UBXN2A: variants seen among roughly 807,000 people sequenced by gnomAD.
UBXN2A encodes UBX domain protein 2A.
Under a neutral mutation model 28.4 loss-of-function variants are expected in UBXN2A, and 28 were observed. The ratio of observed to expected loss-of-function variants is 0.99; its 90% confidence interval spans 0.73 to 1.35. The LOEUF (loss-of-function observed/expected upper bound fraction) is 1.35, where lower values mean the gene tolerates loss of function less well. Ranked by LOEUF, UBXN2A falls within the 40% of genes most tolerant of loss-of-function variation. UBXN2A has a pLI of 0.00. For missense variants in UBXN2A, 253 were observed against 297.9 expected, an observed-to-expected ratio of 0.85 and a Z score of 1.11; for synonymous variants, 97 against 103.6, an observed-to-expected ratio of 0.94 and a Z score of 0.39.
At chr2:23,948,655 G>A (rs1327624189) in intron 1 of UBXN2A, among the ~76,000 whole-genome samples, 1 of 152,150 alleles carries the variant, frequency 6.6e-6, no homozygotes, top group Non-Finnish European at 1.5e-5. Context: ...ACCTGAGGGG[G>A]ATAATTATGT....
chr2:23,985,771 G>A lies in UBXN2A; in HGVS notation c.584+940G>A, dbSNP rs116477314. Among the ~76,000 whole-genome samples the A allele has an allele frequency of 3.2e-3, 480 of 152,212 alleles. 2 individuals are homozygous for A. The highest frequency in any genetic ancestry group is 0.011 in the African/African-American group (458 of 41,540). ...AGCACTTTGAGGGGCCAAGGCAGGA[G>A]GATCACTTGAGCTCAGGAGTTCAAG... On this transcript the variant is annotated intron_variant, in intron 6 of 6. Transcript: ENST00000309033.
At chr2:23,963,494 G>C (rs1412426347) in intron 2 of UBXN2A, among the ~76,000 whole-genome samples, 1 of 149,602 alleles carries the variant, frequency 6.7e-6, no homozygotes, top group African/African-American at 2.5e-5. Context: ...AAAGAGAAAA[G>C]TGGAAAAAAA....
rs546015070 is a variant in UBXN2A at position 24,004,451 on chromosome 2, C to G, written c.*4584C>G. ...TGGATGGATCACGAGGTCAAGAGAT[C>G]GAGACCATCCTGGTCAACATGGGGA... On this transcript the variant is annotated 3_prime_UTR_variant, in exon 7 of 7. Transcript: ENST00000309033. 6.6e-6 allele frequency: 1 copy of G among 152,194 alleles called. No individual in the cohort carries two copies. The allele number at this position is 152,194 out of a possible 1,614,324, so 9.4% of individuals were successfully genotyped here. A position where few individuals can be genotyped will look rare whatever the true frequency, so the allele number is the denominator to read the frequency against.
intron 4 of UBXN2A, among the ~76,000 whole-genome samples, chr2:23,979,678 C>T (rs1707815916): frequency 6.6e-6 from 1 of 152,044 alleles, no homozygotes; most frequent in African/African-American, 2.4e-5. Context: ...AAGTGGTCCT[C>T]CTACCTCCGC....
chr2:24,003,779 G>C lies in UBXN2A; in HGVS notation c.*3912G>C, dbSNP rs1708757893. On this transcript the variant is annotated 3_prime_UTR_variant, in exon 7 of 7. Coordinates refer to ENST00000309033, the MANE Select transcript of UBXN2A (RefSeq NM_181713.4). ...ATAAAATCAATGAGCTTATCTTTCT[G>C]ATATAGAAAATAACAGGATGACAGT... 1 of 148,146 alleles carries C rather than the reference G, an allele frequency of 6.8e-6. No individual in the cohort carries two copies. The highest frequency in any genetic ancestry group is 2.1e-4 in the South Asian group (1 of 4,702). 9.2% of individuals were successfully genotyped at this position (148,146 alleles called of 1,614,324 possible).
chr2:23,953,539 A>C (rs766824583), intron 1 of UBXN2A, among the ~76,000 whole-genome samples: 2 of 152,190 alleles, frequency 1.3e-5, no homozygotes, highest in Non-Finnish European at 2.9e-5. Flanking sequence ...ATAACATCAG[A>C]TATCCCGTCA....
At chr2:23,952,966 GTT>G (rs10593464) in intron 1 of UBXN2A, among the ~76,000 whole-genome samples, 2,969 of 142,758 alleles carry the variant, frequency 0.021, 40 homozygotes, top group African/African-American at 0.031. Flanking sequence ...GCTCTTAGTT[GTT>G]TTTTTTTTTT....
Position 24,003,497 on chromosome 2 carries a change from T to C in UBXN2A, c.*3630T>C, listed in dbSNP as rs1468177068. 6.6e-6 allele frequency: 1 copy of C among 152,148 alleles called. No homozygotes were observed. Among genetic ancestry groups the C allele is most frequent in the Non-Finnish European group, 1.5e-5 (1 of 68,016 alleles). The allele number at this position is 152,148 out of a possible 1,614,324, so 9.4% of individuals were successfully genotyped here. On this transcript the variant is annotated 3_prime_UTR_variant, in exon 7 of 7. Transcript: ENST00000309033. ...ATGACCTGACATAAAATCTATCTTC[T>C]GATTGCAGTCTATTGTGAGAATGCT... is the stretch of plus-strand genomic sequence containing the variant.
At chr2:23,944,523 A>C (rs906362743) in intron 1 of UBXN2A, among the ~76,000 whole-genome samples, 1 of 152,304 alleles carries the variant, frequency 6.6e-6, no homozygotes, top group South Asian at 2.1e-4. Flanking sequence ...ATGGTGGAAA[A>C]GGGTCTAGTT....
chr2:23,960,839 T>C (rs954769782), intron 2 of UBXN2A, among the ~76,000 whole-genome samples: 2 of 152,178 alleles, frequency 1.3e-5, no homozygotes, highest in African/African-American at 2.4e-5. Flanking sequence ...TTCACCATAT[T>C]GGCCAGTCTG....
In UBXN2A at chr2:24,003,738, AAAAAAAG is replaced by A. The variant is rs1573622213; in HGVS notation, c.*3873_*3879del. ...AATGTTCTTACCAAAAAAAAAAAAA[AAAAAAAG>A]AGGCAATGATAAAATCAATGAGCTT... is the stretch of plus-strand genomic sequence containing the variant. On this transcript the variant is annotated 3_prime_UTR_variant, in exon 7 of 7. Transcript: ENST00000309033. The A allele has an allele frequency of 1.3e-5, 2 of 151,978 alleles. No individual in the cohort carries two copies. Among genetic ancestry groups the A allele is most frequent in the East Asian group, 1.9e-4 (1 of 5,206 alleles). 9.4% of individuals were successfully genotyped at this position (151,978 alleles called of 1,614,324 possible).
chr2:23,949,752 G>T (rs1056084194), intron 1 of UBXN2A, among the ~76,000 whole-genome samples: 1 of 151,732 alleles, frequency 6.6e-6, no homozygotes, highest in African/African-American at 2.4e-5. Flanking sequence ...GCACATGCCA[G>T]TAATCCCAGC....
chr2:23,961,808 A>C (rs1420966356), intron 2 of UBXN2A, among the ~76,000 whole-genome samples: 3 of 150,406 alleles, frequency 2.0e-5, no homozygotes, highest in African/African-American at 7.4e-5. Flanking sequence ...GGACTCCCAT[A>C]GTGCTGGGAT....
exon 1 of UBXN2A, chr2:23,927,516 A>C (rs1705080649): frequency 6.6e-6 from 1 of 152,274 alleles, no homozygotes; most frequent in African/African-American, 2.4e-5. Flanking sequence ...AAGCTACCCG[A>C]GGCAAGACAC....
Position 23,984,716 on chromosome 2 carries a change from G to A in UBXN2A, c.469G>A (p.Glu157Lys). The change falls in exon 6 of 7, where the codon GAA becomes AAA. Residue 157 changes from glutamate to lysine, a missense_variant. Transcript: ENST00000309033. ...IVSKAKNIEV[E>K]NKNNLSAVPL... ...TTCTAAAGCAAAGAATATTGAAGTT[G>A]AAAATAAAAATAATTTGTCTGCTGT... is the stretch of plus-strand genomic sequence containing the variant. The A allele has an allele frequency of 1.3e-6, 2 of 1,561,938 alleles. No individual in the cohort carries two copies. The highest frequency in any genetic ancestry group is 1.7e-6 in the Non-Finnish European group (2 of 1,162,804).
chr2:23,948,387 G>T (rs1407544982), intron 1 of UBXN2A, among the ~76,000 whole-genome samples: 3 of 150,558 alleles, frequency 2.0e-5, no homozygotes, highest in Non-Finnish European at 4.4e-5. Flanking sequence ...CAAGTAGCTG[G>T]GATTACAGGC....
upstream of UBXN2A, chr2:23,940,338 G>A (rs988351141): frequency 2.0e-5 from 3 of 151,846 alleles, no homozygotes; most frequent in Non-Finnish European, 4.4e-5. Flanking sequence ...GGTGGGAAGG[G>A]GAGGCGGCCA....
intron 1 of UBXN2A, among the ~76,000 whole-genome samples, chr2:23,953,862 A>G (rs756092638): frequency 1.3e-5 from 2 of 152,080 alleles, no homozygotes; most frequent in Non-Finnish European, 2.9e-5. Context: ...TCAGATTCAC[A>G]TTTTTGGCAA....
In UBXN2A at chr2:24,001,617, G is replaced by C. The variant is rs1708725383; in HGVS notation, c.*1750G>C. 1 of 151,694 alleles carries C rather than the reference G, an allele frequency of 6.6e-6. No homozygotes were observed. The highest frequency in any genetic ancestry group is 1.5e-5 in the Non-Finnish European group (1 of 67,936). 9.4% of individuals were successfully genotyped at this position (151,694 alleles called of 1,614,324 possible). A position where few individuals can be genotyped will look rare whatever the true frequency, so the allele number is the denominator to read the frequency against. On this transcript the variant is annotated 3_prime_UTR_variant, in exon 7 of 7. Transcript: ENST00000309033. ...AAACATTTTTATCTCAAGACCATTTGTTTATGTGAGCTATATATATTATTA... is the reference window on the plus strand; with the variant it reads ...AAACATTTTTATCTCAAGACCATTTCTTTATGTGAGCTATATATATTATTA...
Sources: allele counts gnomAD v4.1 joint callset (sites outside exome capture counted in the v4.1 genomes callset), GRCh38; gene constraint gnomAD v4.1.1; transcripts MANE v1.5; gene names NCBI Gene and HGNC (gene_info 2026-07-23, HGNC 2026-07-21).